Variants in TOP1 observed in about 807,000 individuals in gnomAD.
TOP1 encodes DNA topoisomerase I.
A neutral mutation model predicts 111.1 loss-of-function variants in TOP1; 10 were observed. That is an observed-to-expected ratio of 0.09 (90% confidence interval 0.06 to 0.15). The LOEUF is 0.15. Among genes scored for constraint, TOP1 ranks in the 10% least tolerant of loss-of-function variants. The pLI, the probability that TOP1 is intolerant of heterozygous loss-of-function variation, is 1.00. For missense variants in TOP1, 474 were observed against 926.7 expected, an observed-to-expected ratio of 0.51 and a Z score of 6.34; for synonymous variants, 271 against 302.9, an observed-to-expected ratio of 0.89 and a Z score of 1.10.
chr20:41,039,044 T>TTA (rs2033226086), intron 2 of TOP1, among the ~76,000 whole-genome samples: 1 of 152,158 alleles, frequency 6.6e-6, no homozygotes, highest in African/African-American at 2.4e-5. Flanking sequence ...CTTTCTCCTT[T>TTA]CACACTTGGG....
intron 2 of TOP1, among the ~76,000 whole-genome samples, chr20:41,035,526 T>C (rs529565533): frequency 2.0e-5 from 3 of 152,308 alleles, no homozygotes; most frequent in South Asian, 2.1e-4. Flanking sequence ...TTTGTTGTTG[T>C]AAATGATGAT....
chr20:41,115,055 T>TA lies in TOP1; in HGVS notation c.1639-313dup, dbSNP rs1434544482. Among the ~76,000 whole-genome samples the TA allele has an allele frequency of 6.6e-6, 1 of 152,146 alleles. No homozygotes were observed. The highest frequency in any genetic ancestry group is 1.5e-5 in the Non-Finnish European group (1 of 68,024). On this transcript the variant is annotated intron_variant, in intron 15 of 20. Transcript: ENST00000361337. The surrounding 1 kb of genome is among the most constrained non-coding windows in gnomAD (Gnocchi z 6.3). The stretch of plus-strand genomic sequence containing the variant: ...GGACCATATTATAAGTAAGTACTTA[T>TA]AAATGTACTTTAGGACCATATTATA...
In TOP1 at chr20:41,083,782, G is replaced by A. The variant is rs1396245474; in HGVS notation, c.508-680G>A. ...TGTTGAATATTACATTTTTGTTTGG[G>A]TTTTGTGTGTATGTTTTGAGATTCA... On this transcript the variant is annotated intron_variant, in intron 7 of 20. Transcript: ENST00000361337. This position sits in a 1 kb window ranked among gnomAD's most constrained non-coding sequence, Gnocchi z 7.2. Among the ~76,000 whole-genome samples the A allele has an allele frequency of 6.6e-6, 1 of 152,124 alleles. No individual in the cohort carries two copies. The highest frequency in any genetic ancestry group is 1.5e-5 in the Non-Finnish European group (1 of 68,018).
intron 2 of TOP1, among the ~76,000 whole-genome samples, chr20:41,039,485 GT>G (rs944415277): frequency 1.3e-5 from 2 of 151,184 alleles, no homozygotes; most frequent in African/African-American, 2.4e-5. Flanking sequence ...ACAAAAAATG[GT>G]TTTTTTTTGT....
chr20:41,035,427 T>C (rs2033172791), intron 2 of TOP1, among the ~76,000 whole-genome samples: 3 of 152,164 alleles, frequency 2.0e-5, no homozygotes, highest in Admixed American at 2.0e-4. Flanking sequence ...AAGAACACAG[T>C]TCATTAGCAT....
Position 41,110,207 on chromosome 20 carries a change from C to CCTGAGGGGTAGAGGTTGCA in TOP1, c.1309-2569_1309-2551dup, listed in dbSNP as rs2034212966. 6.6e-6 allele frequency among the ~76,000 whole-genome samples: 1 copy of CCTGAGGGGTAGAGGTTGCA among 152,144 alleles called. No homozygotes were observed. The highest frequency in any genetic ancestry group is 2.1e-4 in the South Asian group (1 of 4,830). ...GGCTGAGACATGGGAATCGCTTGAA[C>CCTGAGGGGTAGAGGTTGCA]CTGAGGGGTAGAGGTTGCACTGAGC... On this transcript the variant is annotated intron_variant, in intron 13 of 20. Coordinates refer to ENST00000361337, the MANE Select transcript of TOP1 (RefSeq NM_003286.4). This position sits in a 1 kb window ranked among gnomAD's most constrained non-coding sequence, Gnocchi z 4.2.
chr20:41,108,316 C>T (rs979469917), intron 13 of TOP1, among the ~76,000 whole-genome samples: 2 of 152,152 alleles, frequency 1.3e-5, no homozygotes, highest in African/African-American at 4.8e-5. Flanking sequence ...AGAAATGTAG[C>T]ACAAGCATGA....
At position 41,114,131 on chromosome 20, in the gene TOP1, T is replaced by C; in HGVS notation, c.1614T>C (p.Tyr538=). ...DFLGKDSIRY[Y]NKVPVEKRVF... is the part of the protein sequence containing the mutation. ...TCGGGAAGGACTCCATCAGATACTA[T>C]AACAAGGTCCCTGTTGAGAAACGAG... Residue 538 remains tyrosine (Y), a synonymous_variant, in exon 15 of 21, where the codon TAT becomes TAC. Transcript: ENST00000361337. The surrounding 1 kb of genome is among the most constrained non-coding windows in gnomAD (Gnocchi z 4.5). 2 of 1,613,970 alleles carry C rather than the reference T, an allele frequency of 1.2e-6. No homozygotes were observed. Among genetic ancestry groups the C allele is most frequent in the Non-Finnish European group, 1.7e-6 (2 of 1,179,932 alleles).
chr20:41,122,742 A>G lies in TOP1; in HGVS notation c.2196-453A>G, dbSNP rs532447745. Among the ~76,000 whole-genome samples, 1 of 152,348 alleles carries G rather than the reference A, an allele frequency of 6.6e-6. No individual in the cohort carries two copies. The highest frequency in any genetic ancestry group is 2.1e-4 in the South Asian group (1 of 4,826). On this transcript the variant is annotated intron_variant, in intron 20 of 20. Transcript: ENST00000361337. This position sits in a 1 kb window ranked among gnomAD's most constrained non-coding sequence, Gnocchi z 5.4. ...AGCATAGGTGGAGATATCCTCCCCTATGGCACTTGCTAGTCCGGGCTAAAG... is the reference window on the plus strand; with the variant it reads ...AGCATAGGTGGAGATATCCTCCCCTGTGGCACTTGCTAGTCCGGGCTAAAG...
At chr20:41,091,039 A>T (rs1319796248) in intron 8 of TOP1, among the ~76,000 whole-genome samples, 3 of 152,158 alleles carry the variant, frequency 2.0e-5, no homozygotes, top group Non-Finnish European at 4.4e-5. Flanking sequence ...TCTCCATTGA[A>T]TGGTCTTAAG....
chr20:41,066,319 C>T (rs941484946), intron 3 of TOP1, among the ~76,000 whole-genome samples: 2 of 151,626 alleles, frequency 1.3e-5, no homozygotes, highest in African/African-American at 2.4e-5. Flanking sequence ...ATTTAAGTCT[C>T]GTGATCTTGG....
At chr20:41,046,000 C>T (rs1360226660) in intron 2 of TOP1, among the ~76,000 whole-genome samples, 1 of 152,168 alleles carries the variant, frequency 6.6e-6, no homozygotes, top group African/African-American at 2.4e-5. Flanking sequence ...CTATGAGGAC[C>T]ACTGTCATAT....
At chr20:41,104,624 A>C (rs1228384781) in intron 13 of TOP1, among the ~76,000 whole-genome samples, 1 of 152,226 alleles carries the variant, frequency 6.6e-6, no homozygotes, top group African/African-American at 2.4e-5. Flanking sequence ...GATGATGATC[A>C]TGGTAGTGAA....
intron 3 of TOP1, among the ~76,000 whole-genome samples, chr20:41,062,319 T>C (rs1288987114): frequency 1.3e-5 from 2 of 152,202 alleles, no homozygotes; most frequent in African/African-American, 2.4e-5. Flanking sequence ...TATTAACTTG[T>C]CTGATTGTCT....
In TOP1 at chr20:41,116,586, A is replaced by ACC. The variant is rs2034334443; in HGVS notation, c.1822+197_1822+198dup. ...GGATCAATGCTGTTTCCCCCTTCCC[A>ACC]CCCCAACTTCAAGATTAATTTCATG... On this transcript the variant is annotated intron_variant, in intron 17 of 20. Transcript: ENST00000361337. This position sits in a 1 kb window ranked among gnomAD's most constrained non-coding sequence, Gnocchi z 5.6. Among the ~76,000 whole-genome samples the ACC allele has an allele frequency of 6.6e-6, 1 of 151,804 alleles. No homozygotes were observed.
At chr20:41,048,607 T>G (rs1022630346) in intron 2 of TOP1, among the ~76,000 whole-genome samples, 3 of 152,210 alleles carry the variant, frequency 2.0e-5, no homozygotes, top group Non-Finnish European at 2.9e-5. Flanking sequence ...CTTCTTACTA[T>G]TAGAAAGTGA....
At position 41,110,754 on chromosome 20, in the gene TOP1, T is replaced by C. The variant is rs1456366752; in HGVS notation, c.1309-2028T>C. On this transcript the variant is annotated intron_variant, in intron 13 of 20. Coordinates refer to ENST00000361337, the MANE Select transcript of TOP1 (RefSeq NM_003286.4). This position sits in a 1 kb window ranked among gnomAD's most constrained non-coding sequence, Gnocchi z 4.2. ...AAGGCAGCCTTCTCCAGTGGATTCC[T>C]TGTCTTCTTGAGATGGTTTTGTGAG... is the stretch of plus-strand genomic sequence containing the variant. 6.6e-6 allele frequency among the ~76,000 whole-genome samples: 1 copy of C among 152,182 alleles called. No homozygotes were observed. Among genetic ancestry groups the C allele is most frequent in the African/African-American group, 2.4e-5 (1 of 41,432 alleles).
chr20:41,047,294 G>A (rs757899506), intron 2 of TOP1, among the ~76,000 whole-genome samples: 5 of 152,222 alleles, frequency 3.3e-5, no homozygotes, highest in Non-Finnish European at 7.3e-5. Flanking sequence ...ATAGAAGGTG[G>A]TATTTTTACT....
At position 41,122,281 on chromosome 20, in the gene TOP1, T is replaced by C. The variant is rs2034435541; in HGVS notation, c.2195+126T>C. The stretch of plus-strand genomic sequence containing the variant: ...CACTTTAGTCCTCTGGGGAAACTTC[T>C]GGCTTCAGCTGTGTACAAGTTACTC... On this transcript the variant is annotated intron_variant, in intron 20 of 20. Coordinates refer to ENST00000361337, the MANE Select transcript of TOP1 (RefSeq NM_003286.4). This position sits in a 1 kb window ranked among gnomAD's most constrained non-coding sequence, Gnocchi z 5.4. The C allele has an allele frequency of 2.1e-6, 2 of 969,904 alleles. No homozygotes were observed. The highest frequency in any genetic ancestry group is 1.6e-6 in the Non-Finnish European group (1 of 638,514). The allele number at this position is 969,904 out of a possible 1,614,324, so 60.1% of individuals were successfully genotyped here.
Sources: gnomAD v4.1 joint callset for allele counts (sites outside exome capture counted in the v4.1 genomes callset) on GRCh38, gnomAD v4.1.1 for gene constraint, Gnocchi (gnomAD v3.1) non-coding constraint, MANE v1.5 for transcripts, NCBI Gene and HGNC (gene_info 2026-07-23, HGNC 2026-07-21) for gene names.